The following ADGRE3 variants were observed in gnomAD, a reference collection of about 807,000 sequenced individuals.
The protein encoded by ADGRE3 is EGF-like module receptor 3.
A neutral mutation model predicts 80.1 loss-of-function variants in ADGRE3; 88 were observed. The ratio of observed to expected loss-of-function variants is 1.10; its 90% CI spans 0.93 to 1.31. ADGRE3 has a LOEUF of 1.31. ADGRE3 is among the 40% of genes most tolerant of loss of function. ADGRE3 has a pLI of 0.00. For missense variants in ADGRE3, 715 were observed against 776.5 expected (o/e 0.92, Z 0.94); for synonymous variants, 281 against 294.8 (o/e 0.95, Z 0.48).
At chr19:14,629,992 C>A in intron 14 of ADGRE3, 47 bp downstream of exon 14, 1 of 1,397,230 alleles carries the variant, frequency 7.2e-7, no homozygotes, top group South Asian at 1.5e-5. Flanking sequence ...ACTCCATTTC[C>A]AAAATTTTCT....
At chr19:14,600,257 C>A in the ADGRE3 span, 2 of 1,531,162 alleles carry the variant, frequency 1.3e-6, no homozygotes, top group Non-Finnish European at 1.8e-6. Flanking sequence ...CACATCCCTC[C>A]CTTCCCTGGA....
At chr19:14,607,405 G>A in the ADGRE3 span, among the ~76,000 whole-genome samples, 99 of 151,430 alleles carry the variant, frequency 6.5e-4, no homozygotes, top group East Asian at 2.4e-3. Context: ...GGGTTTCACC[G>A]TGTTAGCCAG....
chr19:14,640,974 A>G (rs748535589), intron 10 of ADGRE3, among the ~76,000 whole-genome samples: 11 of 152,112 alleles, frequency 7.2e-5, no homozygotes, highest in Admixed American at 1.3e-4. Flanking sequence ...AGTCTTGGGT[A>G]TATCTTTATC....
At chr19:14,672,461 T>C (rs996582969) in intron 1 of ADGRE3, among the ~76,000 whole-genome samples, 1 of 152,210 alleles carries the variant, frequency 6.6e-6, no homozygotes, top group Non-Finnish European at 1.5e-5. Context: ...TGACCTACTT[T>C]GTGGGGTTTT....
At chr19:14,631,630 T>C (rs996375087) in intron 13 of ADGRE3, among the ~76,000 whole-genome samples, 1 of 151,750 alleles carries the variant, frequency 6.6e-6, no homozygotes, top group Non-Finnish European at 1.5e-5. Context: ...TATATGTGTA[T>C]GTATATGTGT....
intron 13 of ADGRE3, among the ~76,000 whole-genome samples, chr19:14,632,661 T>A (rs1970917429): frequency 1.3e-5 from 2 of 151,970 alleles, no homozygotes; most frequent in Admixed American, 1.3e-4. Context: ...TTATTAGCCC[T>A]GAACTGGTCA....
intron 14 of ADGRE3, chr19:14,628,626 C>A (rs1599606866): frequency 3.5e-6 from 1 of 287,818 alleles, no homozygotes; most frequent in South Asian, 3.9e-5. Context: ...AGTTAACCTG[C>A]AGTACAGTGA....
At chr19:14,670,168 ATAGTCAG>A (rs1486604521) in intron 1 of ADGRE3, among the ~76,000 whole-genome samples, 2 of 152,156 alleles carry the variant, frequency 1.3e-5, no homozygotes, top group African/African-American at 4.8e-5. Flanking sequence ...TCATATGATT[ATAGTCAG>A]TTAGTGGATG....
chr19:14,612,071 C>T, the ADGRE3 span, among the ~76,000 whole-genome samples: 2 of 152,108 alleles, frequency 1.3e-5, no homozygotes, highest in Non-Finnish European at 2.9e-5. Flanking sequence ...TTAGCTCTTG[C>T]AATGTTAGTG....
intron 11 of ADGRE3, among the ~76,000 whole-genome samples, chr19:14,636,259 G>A (rs1209218190): frequency 4.7e-5 from 6 of 128,928 alleles, no homozygotes; most frequent in Non-Finnish European, 6.4e-5. Context: ...TCACTCTGTC[G>A]TTTAGGTTGG....
intron 1 of ADGRE3, among the ~76,000 whole-genome samples, chr19:14,673,873 C>T (rs1276537878): frequency 6.6e-6 from 1 of 152,128 alleles, no homozygotes; most frequent in East Asian, 1.9e-4. Context: ...TTATTTTCCA[C>T]TGTCCTTCTA....
the ADGRE3 span, among the ~76,000 whole-genome samples, chr19:14,607,265 C>T: frequency 3.3e-5 from 5 of 149,444 alleles, no homozygotes; most frequent in South Asian, 2.1e-4. Flanking sequence ...AGTGCAGTGG[C>T]GCAATCTCAG....
chr19:14,646,736 C>CTCTTTGTT (rs1214778458), intron 8 of ADGRE3, among the ~76,000 whole-genome samples: 6 of 120,306 alleles, frequency 5.0e-5, no homozygotes, highest in African/African-American at 1.2e-4. Flanking sequence ...TCCTTCTTTC[C>CTCTTTGTT]TCTTTGTTTC....
Position 14,630,148 on chromosome 19 carries a change from C to A in ADGRE3, c.1703G>T (p.Gly568Val). ...LFILGCTWCL[G>V]LLQVGPAAQV... Reference sequence around the variant, plus strand: ...GGCAGCTGGACCCACCTGTAGCAAGCCCAGACACCATGTGCAGCCCAGGAT... The same window carrying A: ...GGCAGCTGGACCCACCTGTAGCAAGACCAGACACCATGTGCAGCCCAGGAT... Residue 568 changes from glycine to valine, a missense_variant, in exon 14 of 16, where the codon GGC (glycine) becomes GTC (valine). Transcript: ENST00000253673. 1 of 1,613,474 alleles carries A rather than the reference C, an allele frequency of 6.2e-7. No individual in the cohort carries two copies. The highest frequency in any genetic ancestry group is 8.5e-7 in the Non-Finnish European group (1 of 1,179,554).
the ADGRE3 span, among the ~76,000 whole-genome samples, chr19:14,607,838 AG>A: frequency 4.6e-5 from 7 of 151,432 alleles, no homozygotes; most frequent in African/African-American, 1.7e-4. Context: ...GGCCTCCCAA[AG>A]TGTTGGGATT....
intron 15 of ADGRE3, among the ~76,000 whole-genome samples, chr19:14,620,585 T>A (rs868204040): frequency 8.2e-4 from 47 of 57,392 alleles, no homozygotes; most frequent in Middle Eastern, 7.8e-3. Context: ...TTTTTTTTTT[T>A]TTTTTTTTTT....
rs758927697 is a variant in ADGRE3, at chr19:14,647,385, G to A, written c.698-20C>T. 4.7e-6 allele frequency: 7 copies of A among 1,491,696 alleles called. No homozygotes were observed. The highest frequency in any genetic ancestry group is 4.6e-6 in the Non-Finnish European group (5 of 1,098,270). 92.4% of individuals were successfully genotyped at this position (1,491,696 alleles called of 1,614,324 possible). A position where few individuals can be genotyped will look rare whatever the true frequency, so the allele number is the denominator to read the frequency against. ...TGGGACCTGAGGAAACAGAAAGATG[G>A]AATCTTTTTTCTTTTCTTTTCTTTC... On this transcript the variant is annotated intron_variant, in intron 7 of 15. Transcript: ENST00000253673.
At chr19:14,632,135 G>A (rs981866030) in intron 13 of ADGRE3, among the ~76,000 whole-genome samples, 4 of 152,268 alleles carry the variant, frequency 2.6e-5, no homozygotes, top group Admixed American at 2.0e-4. Context: ...ATTGGTATAT[G>A]TACAGAGAGT....
chr19:14,616,665 G>A (rs1055376659), downstream of ADGRE3, among the ~76,000 whole-genome samples: 13 of 151,850 alleles, frequency 8.6e-5, no homozygotes, highest in African/African-American at 2.9e-4. Context: ...ACTTTGCACC[G>A]AGGAAGCATT....
Sources: gnomAD v4.1 joint callset for allele counts (sites outside exome capture counted in the v4.1 genomes callset) on GRCh38, gnomAD v4.1.1 for gene constraint, MANE v1.5 for transcripts, NCBI Gene and HGNC (gene_info 2026-07-23, HGNC 2026-07-21) for gene names.